Variants in VPS36 observed in about 807,000 individuals in gnomAD.
The protein encoded by VPS36 is vacuolar protein sorting 36 homolog.
In VPS36, 31 loss-of-function variants were observed where a neutral mutation model predicts 63.5. The observed-to-expected ratio is 0.49, with a 90% CI of 0.37 to 0.66. The LOEUF is 0.66. Among genes scored for constraint, VPS36 ranks in the 30% least tolerant of loss-of-function variants. The pLI is 0.00. For synonymous variants in VPS36, 138 were observed against 157.2 expected (o/e 0.88, Z 0.91); for missense variants, 338 against 463.7 (o/e 0.73, Z 2.49).
intron 10 of VPS36, among the ~76,000 whole-genome samples, chr13:52,422,206 C>G (rs1210610980): frequency 6.6e-6 from 1 of 152,108 alleles, no homozygotes; most frequent in Non-Finnish European, 1.5e-5. Flanking sequence ...TGAGTGAGAA[C>G]ATGCAATATT....
intron 1 of VPS36, among the ~76,000 whole-genome samples, chr13:52,448,704 A>C (rs1204527303): frequency 1.3e-5 from 2 of 152,240 alleles, no homozygotes; most frequent in African/African-American, 4.8e-5. Context: ...GTTATTTTAC[A>C]CTGTTTTAAA....
chr13:52,435,133 A>G (rs1295621607), intron 4 of VPS36, among the ~76,000 whole-genome samples: 1 of 151,632 alleles, frequency 6.6e-6, no homozygotes, highest in Non-Finnish European at 1.5e-5. Context: ...CACCACACCC[A>G]GCTAATTTTG....
intron 6 of VPS36, 66 bp from the exon 7 acceptor site, chr13:52,427,285 G>C: frequency 6.4e-7 from 1 of 1,555,016 alleles, no homozygotes; most frequent in Non-Finnish European, 8.8e-7. Context: ...AAAAAATGAA[G>C]CACCCTCTAT....
chr13:52,450,200 A>G, intron 1 of VPS36: 1 of 1,044,200 alleles, frequency 9.6e-7, no homozygotes, highest in Non-Finnish European at 1.2e-6. Context: ...CGGGCACTGC[A>G]GCTGTGCGCT....
intron 6 of VPS36, chr13:52,429,120 G>T: frequency 4.1e-6 from 1 of 242,320 alleles, no homozygotes; most frequent in Non-Finnish European, 6.6e-6. Flanking sequence ...ATGGAACCTT[G>T]TATCCCTCTA....
At chr13:52,448,374 C>T (rs1036232880) in intron 1 of VPS36, among the ~76,000 whole-genome samples, 3 of 152,202 alleles carry the variant, frequency 2.0e-5, no homozygotes, top group African/African-American at 7.2e-5. Context: ...GGATACCGCA[C>T]CTTCCCCCAG....
chr13:52,444,837 TAAAA>T (rs919994007), intron 1 of VPS36, among the ~76,000 whole-genome samples: 2 of 152,002 alleles, frequency 1.3e-5, no homozygotes, highest in Non-Finnish European at 2.9e-5. Flanking sequence ...GTCTAATAAA[TAAAA>T]AAATCGATCA....
rs755167184 is a variant in VPS36, at chr13:52,450,495, C to T, written c.96+4G>A. On this transcript the variant is annotated splice_donor_region_variant and intron_variant, in intron 1 of 13. Transcript: ENST00000378060. The stretch of plus-strand genomic sequence containing the variant: ...CCCGTTGGGAAGGTTGGCAGACGCC[C>T]TACCTTCTCCTCGCCATCGTAGATT... 3.8e-6 allele frequency: 6 copies of T among 1,590,308 alleles called. No individual in the cohort carries two copies. Among genetic ancestry groups the T allele is most frequent in the African/African-American group, 1.4e-5 (1 of 72,192 alleles).
chr13:52,438,402 G>A (rs528149320), intron 3 of VPS36, among the ~76,000 whole-genome samples: 1 of 152,028 alleles, frequency 6.6e-6, no homozygotes, highest in East Asian at 1.9e-4. Flanking sequence ...TTATGATCAA[G>A]GCATGCATTG....
chr13:52,423,004 T>C (rs905029678), intron 10 of VPS36, among the ~76,000 whole-genome samples: 19 of 152,136 alleles, frequency 1.2e-4, no homozygotes, highest in African/African-American at 4.6e-4. Context: ...GTTTTAAAAA[T>C]AGGAGTTGCC....
chr13:52,423,785 A>G (rs1294035638), intron 9 of VPS36, 146 bp from the exon 10 acceptor site: 1 of 624,048 alleles, frequency 1.6e-6, no homozygotes, highest in Admixed American at 3.0e-5. Flanking sequence ...ACAAAGGAGA[A>G]CCTATTCAGA....
chr13:52,421,521 G>GTTTTT (rs545997400), intron 10 of VPS36, among the ~76,000 whole-genome samples: 5 of 130,066 alleles, frequency 3.8e-5, no homozygotes, highest in Non-Finnish European at 6.6e-5. Flanking sequence ...TTCTGAGTAG[G>GTTTTT]TTTTTTTTTT....
intron 10 of VPS36, among the ~76,000 whole-genome samples, chr13:52,418,739 G>A (rs990867144): frequency 6.6e-6 from 1 of 152,130 alleles, no homozygotes; most frequent in Non-Finnish European, 1.5e-5. Flanking sequence ...GAAGTCTTCT[G>A]AATCTGGTGC....
intron 6 of VPS36, among the ~76,000 whole-genome samples, chr13:52,433,220 G>C (rs1473362478): frequency 6.6e-6 from 1 of 152,158 alleles, no homozygotes; most frequent in African/African-American, 2.4e-5. Flanking sequence ...GGGCTGCTTT[G>C]AGCCGTTCTT....
chr13:52,421,582 C>G (rs1693097409), intron 10 of VPS36, among the ~76,000 whole-genome samples: 2 of 136,688 alleles, frequency 1.5e-5, no homozygotes, highest in South Asian at 4.7e-4. Flanking sequence ...AGTGCAATGG[C>G]GCAATCTCGG....
chr13:52,449,723 G>GT (rs979903519), intron 1 of VPS36, among the ~76,000 whole-genome samples: 32 of 152,064 alleles, frequency 2.1e-4, no homozygotes, highest in African/African-American at 7.7e-4. Flanking sequence ...TTTCAGTAAA[G>GT]TATCTACAAA....
chr13:52,419,585 C>T (rs1284417457), intron 10 of VPS36, among the ~76,000 whole-genome samples: 7 of 152,060 alleles, frequency 4.6e-5, no homozygotes, highest in Non-Finnish European at 5.9e-5. Flanking sequence ...AACAGTATGG[C>T]GATTTCTCAA....
At position 52,437,735 on chromosome 13, in the gene VPS36, C is replaced by A. The variant is rs188443791; in HGVS notation, c.237-1331G>T. 2.1e-3 allele frequency among the ~76,000 whole-genome samples: 319 copies of A among 152,074 alleles called. 1 individual carries two copies. The highest frequency in any genetic ancestry group is 0.012 in the South Asian group (58 of 4,816). ...CATGAGGTCAGGAGATCAAGACCAT[C>A]CTGGCTAACACGGTGAAACCCCGTC... On this transcript the variant is annotated intron_variant, in intron 3 of 13. Transcript: ENST00000378060.
At position 52,427,167 on chromosome 13, in the gene VPS36, T is replaced by C. The variant is rs1253534922; in HGVS notation, c.561+20A>G. 6 of 1,610,942 alleles carry C rather than the reference T, an allele frequency of 3.7e-6. No individual in the cohort carries two copies. The highest frequency in any genetic ancestry group is 2.7e-5 in the African/African-American group (2 of 74,840). The stretch of plus-strand genomic sequence containing the variant: ...TGTATCATAATTGGTATGAATTTAA[T>C]AGGCATAAATGACATATACCTTGAT... On this transcript the variant is annotated intron_variant, in intron 7 of 13. Transcript: ENST00000378060.
Sources: gnomAD v4.1 joint callset for allele counts (sites outside exome capture counted in the v4.1 genomes callset) on GRCh38, gnomAD v4.1.1 for gene constraint, MANE v1.5 for transcripts, NCBI Gene and HGNC (gene_info 2026-07-23, HGNC 2026-07-21) for gene names.